The following TRERF1 variants were observed in gnomAD, a reference collection of about 807,000 sequenced individuals.
TRERF1 encodes transcriptional-regulating factor 1.
In TRERF1, 27 loss-of-function variants were observed where a neutral mutation model predicts 122.9. The ratio of observed to expected loss-of-function variants is 0.22; its 90% confidence interval spans 0.16 to 0.30. The LOEUF (loss-of-function observed/expected upper bound fraction) is 0.30. Ranked by LOEUF, TRERF1 falls within the 10% of genes least tolerant of loss-of-function variation. The probability of loss-of-function intolerance (pLI) is 1.00; values close to 1 mark genes in which losing one functional copy is unlikely to be tolerated. For synonymous variants in TRERF1, 636 were observed against 641.7 expected, an observed-to-expected ratio of 0.99 and a Z score of 0.13; for missense variants, 1,248 against 1,560.3, an observed-to-expected ratio of 0.80 and a Z score of 3.37.
At chr6:42,385,282 C>T (rs1188500381) in intron 2 of TRERF1, among the ~76,000 whole-genome samples, 1 of 152,092 alleles carries the variant, frequency 6.6e-6, no homozygotes, top group African/African-American at 2.4e-5. Flanking sequence ...CGACCTGATC[C>T]TGGTTTTCTG....
intron 4 of TRERF1, among the ~76,000 whole-genome samples, chr6:42,271,764 A>G (rs1438268430): frequency 6.6e-6 from 1 of 152,236 alleles, no homozygotes; most frequent in Non-Finnish European, 1.5e-5. Context: ...GAACATTTTA[A>G]TACTTAGATC....
intron 3 of TRERF1, among the ~76,000 whole-genome samples, chr6:42,320,764 C>A (rs1327795070): frequency 2.6e-5 from 4 of 152,200 alleles, no homozygotes; most frequent in African/African-American, 9.6e-5. Flanking sequence ...CCTGCCTCGG[C>A]CTCCCAAAGT....
chr6:42,446,991 C>A (rs1224443223), intron 2 of TRERF1, among the ~76,000 whole-genome samples: 1 of 152,166 alleles, frequency 6.6e-6, no homozygotes, highest in Non-Finnish European at 1.5e-5. Context: ...AGTGAGAGAG[C>A]AAGATGCTGT....
At chr6:42,415,045 A>G (rs1199822040) in intron 2 of TRERF1, among the ~76,000 whole-genome samples, 1 of 152,206 alleles carries the variant, frequency 6.6e-6, no homozygotes, top group Non-Finnish European at 1.5e-5. Context: ...TTTTCTTTAC[A>G]CTGTCACCAA....
intron 3 of TRERF1, among the ~76,000 whole-genome samples, chr6:42,347,251 C>T (rs1768476533): frequency 6.6e-6 from 1 of 152,180 alleles, no homozygotes; most frequent in African/African-American, 2.4e-5. Flanking sequence ...ACCCACCTCT[C>T]CCAAAGGCAG....
intron 6 of TRERF1, 39 bp downstream of exon 6, chr6:42,265,712 C>A: frequency 2.5e-6 from 4 of 1,602,590 alleles, no homozygotes; most frequent in Non-Finnish European, 2.6e-6. Context: ...AAAATCCTCC[C>A]CGTCTCCCAA....
intron 2 of TRERF1, among the ~76,000 whole-genome samples, chr6:42,448,255 G>T (rs184462694): frequency 1.2e-4 from 19 of 152,298 alleles, no homozygotes; most frequent in Admixed American, 1.2e-3. Flanking sequence ...TAAGAGCTTG[G>T]TTAACCTTAG....
intron 2 of TRERF1, among the ~76,000 whole-genome samples, chr6:42,445,243 G>A (rs1787252422): frequency 6.7e-6 from 1 of 149,186 alleles, no homozygotes. Flanking sequence ...ACTCCAGCCT[G>A]GACAACAGAG....
intron 13 of TRERF1, among the ~76,000 whole-genome samples, chr6:42,247,378 A>G (rs1391325487): frequency 1.3e-5 from 2 of 152,262 alleles, no homozygotes; most frequent in African/African-American, 4.8e-5. Context: ...ACTAAGTGGC[A>G]GGTTCTAAGT....
At chr6:42,264,590 G>T in intron 7 of TRERF1, 114 bp downstream of exon 7, 1 of 1,480,890 alleles carries the variant, frequency 6.8e-7, no homozygotes. Context: ...TGTCAAGGGA[G>T]GACTGTGCCT....
At chr6:42,303,587 C>T (rs1786599837) in intron 3 of TRERF1, among the ~76,000 whole-genome samples, 1 of 152,072 alleles carries the variant, frequency 6.6e-6, no homozygotes, top group Non-Finnish European at 1.5e-5. Context: ...CACTGTGCTC[C>T]AATCACTGTG....
chr6:42,233,481 T>C (rs1161359229), intron 16 of TRERF1, among the ~76,000 whole-genome samples: 1 of 151,682 alleles, frequency 6.6e-6, no homozygotes, highest in African/African-American at 2.4e-5. Flanking sequence ...GAGACAGGGT[T>C]TCACCGTGTT....
chr6:42,361,958 T>G (rs1429091467), intron 3 of TRERF1, among the ~76,000 whole-genome samples: 2 of 152,196 alleles, frequency 1.3e-5, no homozygotes, highest in African/African-American at 4.8e-5. Flanking sequence ...CATGCTGCTG[T>G]AGGTTGATTG....
rs1213130838 is a variant in TRERF1 at position 42,451,234 on chromosome 6, TG to T, written c.-512del. The T allele has an allele frequency of 1.9e-5, 3 of 154,070 alleles. No individual in the cohort carries two copies. The highest frequency in any genetic ancestry group is 1.9e-4 in the East Asian group (1 of 5,252). 9.5% of individuals were successfully genotyped at this position (154,070 alleles called of 1,614,324 possible). A position where few individuals can be genotyped will look rare whatever the true frequency, so the allele number is the denominator to read the frequency against. On this transcript the variant is annotated 5_prime_UTR_variant, in exon 2 of 18. It removes the in-frame stop codon of an upstream open reading frame in the 5' UTR. Coordinates refer to ENST00000372922, the Ensembl canonical transcript of TRERF1. ...TCCGACGAGAAGACCAGTATCCGCT[TG>T]GGGGGTGAGATGGGGGGCGAGCAGA...
At position 42,288,574 on chromosome 6, in the gene TRERF1, C is replaced by CAAAAAAA. The variant is rs3074797; in HGVS notation, c.-259+12057_-259+12063dup. ...CAAGAGCGAAACTCCATCTCAAAAC[C>CAAAAAAA]AAAAAAAAAAAAAAAAAAAAAAGAG... On this transcript the variant is annotated intron_variant, in intron 4 of 17. Coordinates refer to ENST00000372922, the Ensembl canonical transcript of TRERF1. 3.4e-3 allele frequency among the ~76,000 whole-genome samples: 293 copies of CAAAAAAA among 86,488 alleles called. 8 individuals carry two copies. Among genetic ancestry groups the CAAAAAAA allele is most frequent in the African/African-American group, 0.014 (277 of 20,500 alleles). 56.7% of individuals were successfully genotyped at this position (86,488 alleles called of 152,430 possible).
chr6:42,325,125 T>C (rs1382217294), intron 3 of TRERF1, among the ~76,000 whole-genome samples: 1 of 152,066 alleles, frequency 6.6e-6, no homozygotes, highest in African/African-American at 2.4e-5. Context: ...AAGGAAGACA[T>C]ACAAGTGGCC....
intron 3 of TRERF1, among the ~76,000 whole-genome samples, chr6:42,355,401 T>C (rs981549488): frequency 2.6e-5 from 4 of 152,370 alleles, no homozygotes; most frequent in African/African-American, 9.6e-5. Context: ...TATAATCTAT[T>C]TGGTTATGGT....
chr6:42,263,572 C>T lies in TRERF1; in HGVS notation c.1636-4G>A. ...GCAGGACCTTCTCTCCTTCCTCCTACACAGACAATAAAGGCTTTGATCCTG... is the reference window on the plus strand; with the variant it reads ...GCAGGACCTTCTCTCCTTCCTCCTATACAGACAATAAAGGCTTTGATCCTG... On this transcript the variant is annotated splice_region_variant and splice_polypyrimidine_tract_variant and intron_variant, in intron 7 of 17. Transcript: ENST00000372922. This position sits in a 1 kb window ranked among gnomAD's most constrained non-coding sequence, Gnocchi z 5.6. 6.6e-7 allele frequency: 1 copy of T among 1,513,564 alleles called. No individual in the cohort carries two copies. 93.8% of individuals were successfully genotyped at this position (1,513,564 alleles called of 1,614,324 possible). A position where few individuals can be genotyped will look rare whatever the true frequency, so the allele number is the denominator to read the frequency against.
In TRERF1 at chr6:42,229,606, G is replaced by T. The variant is rs558674368; in HGVS notation, c.3279-937C>A. Among the ~76,000 whole-genome samples, 6 of 152,200 alleles carry T rather than the reference G, an allele frequency of 3.9e-5. No individual in the cohort carries two copies. The South Asian group carries it at 1.0e-3, about 26-fold the overall frequency. ...AAATTCAGTGGCCCCTGTCTTTATT[G>T]TACTTGACTTCTGAGCTACATCTAC... On this transcript the variant is annotated intron_variant, in intron 17 of 17. Coordinates refer to ENST00000372922, the Ensembl canonical transcript of TRERF1.
Sources: allele counts gnomAD v4.1 joint callset (sites outside exome capture counted in the v4.1 genomes callset), GRCh38; gene constraint gnomAD v4.1.1; non-coding constraint Gnocchi (gnomAD v3.1); transcripts MANE v1.5; gene names NCBI Gene and HGNC (gene_info 2026-07-23, HGNC 2026-07-21).